CFAP74: variants seen among roughly 807,000 people sequenced by gnomAD.
CFAP74 encodes the protein cilia- and flagella-associated protein 74.
In CFAP74, 124 loss-of-function variants were observed where a neutral mutation model predicts 188.9. That is an observed-to-expected ratio of 0.66 (90% confidence interval 0.57 to 0.76). The LOEUF (loss-of-function observed/expected upper bound fraction) is 0.76. Ranked by LOEUF, CFAP74 falls within the 30% of genes least tolerant of loss-of-function variation. CFAP74 has a pLI of 0.00. For synonymous variants in CFAP74, 956 were observed against 916.7 expected (o/e 1.04, Z -0.77); for missense variants, 2,198 against 2,165.2 (o/e 1.02, Z -0.30).
intron 10 of CFAP74, among the ~76,000 whole-genome samples, chr1:1,970,395 C>T (rs570830382): frequency 6.6e-6 from 1 of 152,184 alleles, no homozygotes; most frequent in South Asian, 2.1e-4. Context: ...CGACAGGGGC[C>T]GGGGTTTCAG....
In CFAP74 at chr1:1,922,877, C is replaced by A; in HGVS notation, c.4683+108G>T. 8 of 1,494,212 alleles carry A rather than the reference C, an allele frequency of 5.4e-6. No homozygotes were observed. The South Asian group carries it at 1.1e-4, about 20-fold the overall frequency. 92.6% of individuals were successfully genotyped at this position (1,494,212 alleles called of 1,614,324 possible). ...CACAGGAAGTCCGAGAAAAGCCCGG[C>A]TGTCAGGACAAGCCCAGTGAGGGGC... On this transcript the variant is annotated intron_variant, in intron 37 of 38. Coordinates refer to ENST00000682832, the MANE Select transcript of CFAP74 (RefSeq NM_001304360.2).
At position 1,960,918 on chromosome 1, in the gene CFAP74, C is replaced by T. The variant is rs748673421; in HGVS notation, c.1695-888G>A. ...AGCGTGGAGTGGGGATGTTAGAGGA[C>T]GTATAGATAAAATGGTTAGAGACAG... is the stretch of plus-strand genomic sequence containing the variant. On this transcript the variant is annotated intron_variant, in intron 14 of 38. Coordinates refer to ENST00000682832, the MANE Select transcript of CFAP74 (RefSeq NM_001304360.2). 1.3e-4 allele frequency among the ~76,000 whole-genome samples: 20 copies of T among 152,116 alleles called. No individual in the cohort carries two copies. The South Asian group carries it at 3.1e-3, about 24-fold the overall frequency.
chr1:1,927,959 T>C, intron 27 of CFAP74: 1 of 579,214 alleles, frequency 1.7e-6, no homozygotes, highest in Non-Finnish European at 3.0e-6. Context: ...CTGTGGCGTC[T>C]GCTTCACCAG....
intron 1 of CFAP74, among the ~76,000 whole-genome samples, chr1:1,997,068 G>GCT (rs1657956198): frequency 6.6e-6 from 1 of 151,962 alleles, no homozygotes; most frequent in South Asian, 2.1e-4. Flanking sequence ...AAACAGGGAC[G>GCT]CTCTCTAAAA....
At chr1:1,971,306 T>G (rs1279192151) in intron 9 of CFAP74, among the ~76,000 whole-genome samples, 1 of 136,216 alleles carries the variant, frequency 7.3e-6, no homozygotes, top group African/African-American at 2.8e-5. Context: ...CGCTCACACA[T>G]GCACACCTGC....
At chr1:1,936,205 G>A (rs1479557712) in intron 25 of CFAP74, among the ~76,000 whole-genome samples, 6 of 143,362 alleles carry the variant, frequency 4.2e-5, no homozygotes, top group East Asian at 2.0e-4. Context: ...CAACAAGAGC[G>A]ATGCTCCGTC....
chr1:1,955,937 G>A (rs925827096), intron 17 of CFAP74, 87 bp from the exon 18 acceptor site: 357 of 1,501,104 alleles, frequency 2.4e-4, no homozygotes, highest in Non-Finnish European at 3.1e-4. Context: ...AGGACAGGCC[G>A]TGTTGGGGGC....
At chr1:1,998,868 C>T (rs1351724519) in intron 1 of CFAP74, among the ~76,000 whole-genome samples, 1 of 152,004 alleles carries the variant, frequency 6.6e-6, no homozygotes, top group East Asian at 1.9e-4. Flanking sequence ...CAGAGTGAGA[C>T]TCCGTCTCGA....
intron 6 of CFAP74, among the ~76,000 whole-genome samples, chr1:1,982,693 CAGG>C (rs933727397): frequency 1.2e-4 from 19 of 152,368 alleles, no homozygotes; most frequent in African/African-American, 4.3e-4. Flanking sequence ...GCCGGGCCCA[CAGG>C]AGGAGGGCGG....
intron 18 of CFAP74, 38 bp downstream of exon 18, chr1:1,955,653 G>T: frequency 1.1e-6 from 1 of 914,854 alleles, no homozygotes; most frequent in Non-Finnish European, 1.6e-6. Context: ...GGCCCTCACC[G>T]CCCGCCCACC....
chr1:1,964,897 G>A lies in CFAP74; in HGVS notation c.1566C>T (p.Leu522=). Residue 522 remains leucine (L), a synonymous_variant, in exon 13 of 39, where the codon CTC becomes CTT. Coordinates refer to ENST00000682832, the MANE Select transcript of CFAP74 (RefSeq NM_001304360.2). ...CCAGCTGCGGGCTCACCTGGAAGTG[G>A]AGGAGCTCCGGTTTGCTGTTGAAGG... ...GRPFNSKPEL[L]HFQDFDIGKV... 1 of 1,613,676 alleles carries A rather than the reference G, an allele frequency of 6.2e-7. No homozygotes were observed. The highest frequency in any genetic ancestry group is 8.5e-7 in the Non-Finnish European group (1 of 1,179,936).
intron 6 of CFAP74, among the ~76,000 whole-genome samples, chr1:1,979,215 G>A (rs113394781): frequency 2.5e-4 from 18 of 72,266 alleles, no homozygotes; most frequent in Admixed American, 2.8e-4. Flanking sequence ...GTGGGAAGGC[G>A]TCATGTGACG....
chr1:1,958,860 G>C (rs1328887166), intron 16 of CFAP74, among the ~76,000 whole-genome samples: 1 of 152,138 alleles, frequency 6.6e-6, no homozygotes, highest in Non-Finnish European at 1.5e-5. Context: ...AGGCCCTGCA[G>C]TCTGGGCTCC....
intron 26 of CFAP74, among the ~76,000 whole-genome samples, chr1:1,929,083 C>T (rs2102033443): frequency 6.6e-6 from 1 of 152,080 alleles, no homozygotes; most frequent in Non-Finnish European, 1.5e-5. Flanking sequence ...GGCGGGAGCA[C>T]CAAACCCTCT....
intron 25 of CFAP74, among the ~76,000 whole-genome samples, chr1:1,933,887 A>C (rs1190836479): frequency 6.6e-6 from 1 of 152,048 alleles, no homozygotes; most frequent in Non-Finnish European, 1.5e-5. Context: ...TGATTTTCAC[A>C]CCCTCTTTTC....
At chr1:1,986,490 C>T (rs572045683) in intron 5 of CFAP74, among the ~76,000 whole-genome samples, 37 of 152,204 alleles carry the variant, frequency 2.4e-4, no homozygotes, top group Admixed American at 8.5e-4. Flanking sequence ...CCTGCAGGCA[C>T]CTGGTGCCCC....
intron 4 of CFAP74, chr1:1,988,028 T>C: frequency 4.4e-6 from 2 of 457,538 alleles, no homozygotes; most frequent in Non-Finnish European, 8.9e-6. Context: ...GCTGCAGCCT[T>C]GACCTCCTGG....
intron 27 of CFAP74, among the ~76,000 whole-genome samples, chr1:1,928,503 A>G (rs2102032851): frequency 6.6e-6 from 1 of 152,188 alleles, no homozygotes; most frequent in East Asian, 1.9e-4. Context: ...GGGGCCCTTC[A>G]TTGCATCCGC....
In CFAP74 at chr1:1,922,721, G is replaced by A. The variant is rs762474702; in HGVS notation, c.4686C>T (p.Thr1562=). Residue 1562 remains threonine (T), a splice_region_variant and synonymous_variant, in exon 38 of 39, where the codon ACC becomes ACT. Coordinates refer to ENST00000682832, the MANE Select transcript of CFAP74 (RefSeq NM_001304360.2). ...IRTTQPSPKK[T]VEFSIDSVAS... is the part of the protein sequence containing the mutation. ...CGACGCTGTCTATGCTGAACTCAAC[G>A]GTCTGTGGGGTATGGGGCTCCTGTA... 5 of 1,602,794 alleles carry A rather than the reference G, an allele frequency of 3.1e-6. No homozygotes were observed. The highest frequency in any genetic ancestry group is 1.1e-5 in the South Asian group (1 of 90,112).
Sources: gnomAD v4.1 joint callset for allele counts (sites outside exome capture counted in the v4.1 genomes callset) on GRCh38, gnomAD v4.1.1 for gene constraint, MANE v1.5 for transcripts, NCBI Gene and HGNC (gene_info 2026-07-23, HGNC 2026-07-21) for gene names.